COBL: variants seen among roughly 807,000 people sequenced by gnomAD.
The protein encoded by COBL is cordon-bleu WH2 repeat protein, also known as protein cordon-bleu.
A neutral mutation model predicts 98.8 loss-of-function variants in COBL; 51 were observed. That is an observed-to-expected ratio of 0.52 (90% CI 0.41 to 0.65). The LOEUF is 0.65. Among genes scored for constraint, COBL ranks in the 30% least tolerant of loss-of-function variants. The pLI is 0.00. For missense variants in COBL, 1,617 were observed against 1,617.5 expected, an observed-to-expected ratio of 1.00 and a Z score of 0.01; for synonymous variants, 634 against 651.7, an observed-to-expected ratio of 0.97 and a Z score of 0.41.
At chr7:51,023,662 G>A (rs1787162767) in intron 12 of COBL, among the ~76,000 whole-genome samples, 1 of 152,224 alleles carries the variant, frequency 6.6e-6, no homozygotes, top group African/African-American at 2.4e-5. Flanking sequence ...TCACAGCAAG[G>A]CTGCCGGCCG....
intron 5 of COBL, among the ~76,000 whole-genome samples, chr7:51,175,183 G>A (rs1788251243): frequency 6.6e-6 from 1 of 152,248 alleles, no homozygotes; most frequent in South Asian, 2.1e-4. Flanking sequence ...CCACCTTGGA[G>A]CAGGTAGGTC....
intron 7 of COBL, among the ~76,000 whole-genome samples, chr7:51,053,978 C>T (rs1790480198): frequency 6.6e-6 from 1 of 152,200 alleles, no homozygotes; most frequent in African/African-American, 2.4e-5. Context: ...GTCAGGATTT[C>T]GAGACCAGCC....
At chr7:51,096,822 A>G (rs1202941797) in intron 6 of COBL, among the ~76,000 whole-genome samples, 1 of 152,190 alleles carries the variant, frequency 6.6e-6, no homozygotes, top group Non-Finnish European at 1.5e-5. Flanking sequence ...GACATAACCT[A>G]TAAGCAGTCA....
chr7:51,150,693 G>A lies in COBL; in HGVS notation c.784-14362C>T, dbSNP rs1018803727. On this transcript the variant is annotated intron_variant, in intron 5 of 12. Coordinates refer to ENST00000265136, the MANE Select transcript of COBL (RefSeq NM_015198.5). ...CACAACTACTTCGCCACTTTCAGTAGATGATTCTAGTTGAGTTCATTGTCC... is the reference window on the plus strand; with the variant it reads ...CACAACTACTTCGCCACTTTCAGTAAATGATTCTAGTTGAGTTCATTGTCC... Among the ~76,000 whole-genome samples, 9 of 152,166 alleles carry A rather than the reference G, an allele frequency of 5.9e-5. No homozygotes were observed. In the South Asian group the frequency reaches 8.3e-4, roughly 14 times the overall value.
At chr7:51,259,066 T>A (rs1456858956) in intron 1 of COBL, among the ~76,000 whole-genome samples, 1 of 152,042 alleles carries the variant, frequency 6.6e-6, no homozygotes, top group Non-Finnish European at 1.5e-5. Context: ...GGCAGGTGGA[T>A]CACCTGAGGT....
chr7:51,178,685 T>G (rs1378983124), intron 5 of COBL, among the ~76,000 whole-genome samples: 4 of 152,206 alleles, frequency 2.6e-5, no homozygotes, highest in Non-Finnish European at 4.4e-5. Flanking sequence ...CTTGGCTCAC[T>G]GCAACCTCCG....
chr7:51,043,353 C>T, intron 8 of COBL, 30 bp downstream of exon 8: 1 of 1,600,336 alleles, frequency 6.2e-7, no homozygotes, highest in Non-Finnish European at 8.5e-7. Flanking sequence ...GCTGTGACTT[C>T]CGTACCCACC....
intron 12 of COBL, chr7:51,018,209 T>C (rs908825224): frequency 6.5e-6 from 1 of 153,622 alleles, no homozygotes; most frequent in Non-Finnish European, 1.4e-5. Flanking sequence ...GTGATGGCGG[T>C]GGTTGTGGCA....
At chr7:51,186,003 C>T (rs1161329008) in intron 4 of COBL, among the ~76,000 whole-genome samples, 2 of 152,242 alleles carry the variant, frequency 1.3e-5, no homozygotes, top group African/African-American at 2.4e-5. Context: ...GGCTCCACAT[C>T]GCACAGTACC....
At chr7:51,301,799 C>T (rs1801992594) in intron 1 of COBL, among the ~76,000 whole-genome samples, 1 of 152,248 alleles carries the variant, frequency 6.6e-6, no homozygotes, top group Admixed American at 6.5e-5. Context: ...GGTTCCTCCA[C>T]TCTGTGGGTC....
rs535902988 is a variant in COBL at position 51,253,224 on chromosome 7, A to T, written c.42-33280T>A. Among the ~76,000 whole-genome samples the T allele has an allele frequency of 5.5e-3, 836 of 152,252 alleles. 10 individuals carry two copies. Among genetic ancestry groups the T allele is most frequent in the African/African-American group, 0.019 (788 of 41,534 alleles). ...GGGCAACAGACTCCGTCTCAAAAAA[A>T]TAATAAATAAATAAATAAAATGCAT... On this transcript the variant is annotated intron_variant, in intron 1 of 12. Transcript: ENST00000265136.
intron 6 of COBL, among the ~76,000 whole-genome samples, chr7:51,103,738 C>T (rs745726842): frequency 6.6e-6 from 1 of 152,212 alleles, no homozygotes; most frequent in African/African-American, 2.4e-5. Context: ...AATAATATTA[C>T]AACTTTTGAC....
At chr7:51,204,918 T>A (rs1274199909) in intron 2 of COBL, among the ~76,000 whole-genome samples, 2 of 152,142 alleles carry the variant, frequency 1.3e-5, no homozygotes, top group Non-Finnish European at 2.9e-5. Context: ...AAAATAGCAA[T>A]AATAAATAAT....
intron 1 of COBL, among the ~76,000 whole-genome samples, chr7:51,250,058 C>A (rs754119797): frequency 1.1e-4 from 16 of 151,854 alleles, no homozygotes; most frequent in Non-Finnish European, 2.4e-4. Flanking sequence ...GCCAAGATCG[C>A]ACCACTGCAC....
chr7:51,217,340 C>CTT lies in COBL; in HGVS notation c.245+2399_245+2400dup, dbSNP rs937958755. ...CACAATGCCATTTTCTTTTCTTTTT[C>CTT]TTTTTTTTTTTTTTTTTTGAGATGG... On this transcript the variant is annotated intron_variant, in intron 2 of 12. Coordinates refer to ENST00000265136, the MANE Select transcript of COBL (RefSeq NM_015198.5). 5.4e-3 allele frequency among the ~76,000 whole-genome samples: 692 copies of CTT among 127,712 alleles called. 19 individuals are homozygous for CTT. The highest frequency in any genetic ancestry group is 0.02 in the African/African-American group (649 of 32,864). 83.8% of individuals were successfully genotyped at this position (127,712 alleles called of 152,430 possible). A position where few individuals can be genotyped will look rare whatever the true frequency, so the allele number is the denominator to read the frequency against.
chr7:51,231,817 A>T (rs1794785280), intron 1 of COBL, among the ~76,000 whole-genome samples: 1 of 152,216 alleles, frequency 6.6e-6, no homozygotes, highest in African/African-American at 2.4e-5. Context: ...CCACAAGAGC[A>T]TGTGGCACCA....
chr7:51,239,665 C>T (rs991618269), intron 1 of COBL, among the ~76,000 whole-genome samples: 3 of 152,152 alleles, frequency 2.0e-5, no homozygotes, highest in African/African-American at 4.8e-5. Context: ...GATCCAAGAA[C>T]CTTTTCTTGG....
chr7:51,277,744 T>C (rs764646603), intron 1 of COBL, among the ~76,000 whole-genome samples: 21 of 152,092 alleles, frequency 1.4e-4, no homozygotes, highest in African/African-American at 5.1e-4. Context: ...GCCCCTACAG[T>C]GTTGCTACAG....
chr7:51,235,640 C>T lies in COBL; in HGVS notation c.42-15696G>A, dbSNP rs549504265. On this transcript the variant is annotated intron_variant, in intron 1 of 12. Transcript: ENST00000265136. ...GACCTTGAGAAGGCTTCCCTTTGCC[C>T]ACCACCCACGGCTTCCCATTGGCTG... Among the ~76,000 whole-genome samples, 4 of 152,312 alleles carry T rather than the reference C, an allele frequency of 2.6e-5. No homozygotes were observed. The South Asian group carries it at 8.3e-4, about 32-fold the overall frequency.
Sources: gnomAD v4.1 joint callset for allele counts (sites outside exome capture counted in the v4.1 genomes callset) on GRCh38, gnomAD v4.1.1 for gene constraint, MANE v1.5 for transcripts, NCBI Gene and HGNC (gene_info 2026-07-23, HGNC 2026-07-21) for gene names.